Variants in CNTNAP2 observed in about 807,000 individuals in gnomAD.
The protein encoded by CNTNAP2 is contactin associated protein 2.
A neutral mutation model predicts 155.2 loss-of-function variants in CNTNAP2; 98 were observed. The observed-to-expected ratio is 0.63, with a 90% CI of 0.54 to 0.75. The LOEUF is 0.75. CNTNAP2 is among the 30% of genes least tolerant of loss of function. The probability of loss-of-function intolerance (pLI) is 0.00; values close to 1 mark genes in which losing one functional copy is unlikely to be tolerated. For synonymous variants in CNTNAP2, 651 were observed against 631.2 expected, an observed-to-expected ratio of 1.03 and a Z score of -0.47; for missense variants, 1,727 against 1,688.1, an observed-to-expected ratio of 1.02 and a Z score of -0.40.
intron 13 of CNTNAP2, among the ~76,000 whole-genome samples, chr7:147,785,145 A>G (rs949617376): frequency 2.6e-5 from 4 of 152,184 alleles, no homozygotes; most frequent in Admixed American, 1.3e-4. Context: ...ATAAATTTTG[A>G]GGTTGTCTAT....
intron 15 of CNTNAP2, among the ~76,000 whole-genome samples, chr7:148,067,632 A>G (rs75501473): frequency 0.03 from 4,516 of 152,364 alleles, 90 homozygotes; most frequent in South Asian, 0.065. Context: ...TTAAGAGAGC[A>G]TCAGCTGAAA....
intron 1 of CNTNAP2, among the ~76,000 whole-genome samples, chr7:146,460,993 A>C (rs962594900): frequency 2.6e-5 from 4 of 152,226 alleles, no homozygotes; most frequent in African/African-American, 9.6e-5. Context: ...GCACAAAAAC[A>C]AGTATGGGAG....
At chr7:147,358,266 A>C (rs1238308994) in intron 9 of CNTNAP2, among the ~76,000 whole-genome samples, 1 of 152,128 alleles carries the variant, frequency 6.6e-6, no homozygotes, top group Admixed American at 6.6e-5. Context: ...ATTTTCTTAA[A>C]CCTCAGTTTT....
chr7:147,317,792 G>GTATA (rs1237244883), intron 9 of CNTNAP2, among the ~76,000 whole-genome samples: 2 of 56,396 alleles, frequency 3.5e-5, no homozygotes, highest in African/African-American at 2.9e-4. Flanking sequence ...GTGTGTGTGT[G>GTATA]TGTGTGTATA....
At chr7:147,680,019 C>A (rs372486323) in intron 13 of CNTNAP2, among the ~76,000 whole-genome samples, 7 of 151,552 alleles carry the variant, frequency 4.6e-5, no homozygotes, top group Non-Finnish European at 1.0e-4. Flanking sequence ...TTCATCCATT[C>A]CTTCTTGCCT....
chr7:146,214,961 C>T (rs976802311), intron 1 of CNTNAP2, among the ~76,000 whole-genome samples: 16 of 152,144 alleles, frequency 1.1e-4, no homozygotes, highest in Non-Finnish European at 1.5e-4. Flanking sequence ...CCAATCCTTC[C>T]GAACATACCC....
rs1460969048 is a variant in CNTNAP2 at position 146,812,968 on chromosome 7, C to T, written c.209-26743C>T. On this transcript the variant is annotated intron_variant, in intron 2 of 23. Transcript: ENST00000361727. ...CAGTGCAAATCCCAATCCTTGGTGG[C>T]TTCCAGGTAATGTTGGTGCACAGAA... Among the ~76,000 whole-genome samples, 12 of 152,118 alleles carry T rather than the reference C, an allele frequency of 7.9e-5. 1 individual carries two copies. Among genetic ancestry groups the T allele is most frequent in the Non-Finnish European group, 1.2e-4 (8 of 67,966 alleles).
intron 11 of CNTNAP2, among the ~76,000 whole-genome samples, chr7:147,520,096 A>G: frequency 6.6e-6 from 1 of 152,186 alleles, no homozygotes; most frequent in East Asian, 1.9e-4. Context: ...GTCTTTCCAA[A>G]GAATCCAGTC....
chr7:146,638,836 T>C (rs866000636), intron 1 of CNTNAP2, among the ~76,000 whole-genome samples: 8 of 152,062 alleles, frequency 5.3e-5, no homozygotes, highest in African/African-American at 1.9e-4. Flanking sequence ...CTAGGTGATT[T>C]TGTCATTGTA....
intron 13 of CNTNAP2, among the ~76,000 whole-genome samples, chr7:147,862,924 T>G (rs2116688701): frequency 6.6e-6 from 1 of 152,100 alleles, no homozygotes; most frequent in Admixed American, 6.6e-5. Flanking sequence ...ATCTTTCCAT[T>G]TCTTTTATAT....
rs548119915 is a variant in CNTNAP2, at chr7:147,009,733, A to G, written c.403-34174A>G. Among the ~76,000 whole-genome samples the G allele has an allele frequency of 2.6e-5, 4 of 152,290 alleles. No homozygotes were observed. The South Asian group carries it at 8.3e-4, about 32-fold the overall frequency. ...CCCAACATTAATGAGAGCTTCAACT[A>G]GCAGCAAATTCTATAGACTTCCTTC... On this transcript the variant is annotated intron_variant, in intron 3 of 23. Coordinates refer to ENST00000361727, the MANE Select transcript of CNTNAP2 (RefSeq NM_014141.6).
chr7:147,433,007 T>C (rs1797491444), intron 10 of CNTNAP2, among the ~76,000 whole-genome samples: 1 of 152,142 alleles, frequency 6.6e-6, no homozygotes, highest in South Asian at 2.1e-4. Context: ...GGCAGTGACA[T>C]GTATGATTCA....
intron 13 of CNTNAP2, among the ~76,000 whole-genome samples, chr7:147,818,348 A>G (rs1398741977): frequency 6.6e-6 from 1 of 152,216 alleles, no homozygotes; most frequent in African/African-American, 2.4e-5. Context: ...TACAATTTAT[A>G]TGAAATTTTA....
intron 5 of CNTNAP2, among the ~76,000 whole-genome samples, chr7:147,110,162 T>C (rs1395106803): frequency 6.6e-6 from 1 of 152,106 alleles, no homozygotes; most frequent in East Asian, 1.9e-4. Flanking sequence ...TGACCTCAAA[T>C]GATCCACCTG....
intron 1 of CNTNAP2, among the ~76,000 whole-genome samples, chr7:146,557,452 T>C (rs559553329): frequency 8.5e-5 from 13 of 152,202 alleles, no homozygotes; most frequent in Admixed American, 7.2e-4. Context: ...GTTGTGCCTT[T>C]ATAATTAATT....
chr7:148,292,936 C>T (rs1797213413), intron 21 of CNTNAP2, among the ~76,000 whole-genome samples: 2 of 152,094 alleles, frequency 1.3e-5, no homozygotes, highest in African/African-American at 4.8e-5. Flanking sequence ...CTATAATTGC[C>T]TGAGCCATCT....
At chr7:147,731,259 T>C (rs1215865454) in intron 13 of CNTNAP2, among the ~76,000 whole-genome samples, 1 of 152,116 alleles carries the variant, frequency 6.6e-6, no homozygotes, top group Non-Finnish European at 1.5e-5. Flanking sequence ...CTTCTATAGC[T>C]AGAAAGAAAA....
chr7:147,283,667 T>G (rs369731403), intron 8 of CNTNAP2, among the ~76,000 whole-genome samples: 77 of 152,052 alleles, frequency 5.1e-4, no homozygotes, highest in African/African-American at 1.8e-3. Context: ...TGTGGGGTAT[T>G]GCTGGATGAC....
At chr7:146,426,903 T>C (rs549444504) in intron 1 of CNTNAP2, among the ~76,000 whole-genome samples, 74 of 151,968 alleles carry the variant, frequency 4.9e-4, no homozygotes, top group African/African-American at 1.7e-3. Context: ...AGGTACTATA[T>C]ATGTTAAAAA....
Sources: gnomAD v4.1 joint callset for allele counts (sites outside exome capture counted in the v4.1 genomes callset) on GRCh38, gnomAD v4.1.1 for gene constraint, MANE v1.5 for transcripts, NCBI Gene and HGNC (gene_info 2026-07-23, HGNC 2026-07-21) for gene names.